CDK6: variants seen among roughly 807,000 people sequenced by gnomAD.
CDK6 encodes the protein cyclin dependent kinase 6, also known as cyclin-dependent kinase 6.
In CDK6, 6 loss-of-function variants were observed where a neutral mutation model predicts 37.1. That is an observed-to-expected ratio of 0.16 (90% confidence interval 0.09 to 0.32). The LOEUF is 0.32. CDK6 is among the 10% of genes least tolerant of loss of function. CDK6 has a pLI of 1.00. For synonymous variants in CDK6, 160 were observed against 161.3 expected (o/e 0.99, Z 0.06); for missense variants, 224 against 418.9 (o/e 0.53, Z 4.06).
chr7:92,700,263 G>A (rs1360657665), intron 4 of CDK6, among the ~76,000 whole-genome samples: 1 of 152,152 alleles, frequency 6.6e-6, no homozygotes. Flanking sequence ...TATGCAGGGC[G>A]TGTATGTCAG....
At chr7:92,665,248 A>G (rs1384685234) in intron 5 of CDK6, among the ~76,000 whole-genome samples, 4 of 151,560 alleles carry the variant, frequency 2.6e-5, no homozygotes, top group Non-Finnish European at 5.9e-5. Flanking sequence ...TTAAAAATCA[A>G]TCTATCACAA....
chr7:92,713,833 C>G (rs967458154), intron 4 of CDK6, among the ~76,000 whole-genome samples: 1 of 151,996 alleles, frequency 6.6e-6, no homozygotes, highest in Admixed American at 6.6e-5. Flanking sequence ...AAGTGACTAA[C>G]AAAATAAGTT....
chr7:92,757,622 C>T (rs942598579), intron 3 of CDK6, among the ~76,000 whole-genome samples: 1 of 152,144 alleles, frequency 6.6e-6, no homozygotes, highest in African/African-American at 2.4e-5. Context: ...CATTCACATG[C>T]ATGTGTCTTT....
Position 92,771,940 on chromosome 7 carries a change from C to T in CDK6, c.369+2756G>A, listed in dbSNP as rs200207257. On this transcript the variant is annotated intron_variant, in intron 3 of 7. Transcript: ENST00000424848. The stretch of plus-strand genomic sequence containing the variant: ...ATTTCAATTAACCAGAATTCAGATT[C>T]TCCTACTTAGCAGCTGTTTATTCTG... Among the ~76,000 whole-genome samples, 25 of 152,306 alleles carry T rather than the reference C, an allele frequency of 1.6e-4. No individual in the cohort carries two copies. In the East Asian group the frequency reaches 4.4e-3, roughly 27 times the overall value.
rs529005811 is a variant in CDK6 at position 92,643,986 on chromosome 7, G to A, written c.648-20900C>T. Among the ~76,000 whole-genome samples the A allele has an allele frequency of 1.1e-4, 16 of 152,258 alleles. No homozygotes were observed. The South Asian group carries it at 3.3e-3, about 32-fold the overall frequency. On this transcript the variant is annotated intron_variant, in intron 5 of 7. Coordinates refer to ENST00000424848, the MANE Select transcript of CDK6 (RefSeq NM_001145306.2). ...TGAAAGAAAAGAAATGGGCCCAGAG[G>A]GACCTAAGGAAACCAGGCCAAACTT...
chr7:92,632,886 C>G (rs1459446828), intron 5 of CDK6, among the ~76,000 whole-genome samples: 1 of 144,846 alleles, frequency 6.9e-6, no homozygotes, highest in Admixed American at 6.9e-5. Flanking sequence ...CACTTCCATT[C>G]TTTTCTCTTT....
chr7:92,737,196 T>C (rs1299243858), intron 3 of CDK6, among the ~76,000 whole-genome samples: 1 of 152,352 alleles, frequency 6.6e-6, no homozygotes, highest in Middle Eastern at 3.4e-3. Context: ...GATGAGGCTG[T>C]GATAATACTA....
chr7:92,768,784 C>T (rs1288910477), intron 3 of CDK6, among the ~76,000 whole-genome samples: 1 of 152,106 alleles, frequency 6.6e-6, no homozygotes, highest in Non-Finnish European at 1.5e-5. Flanking sequence ...GGCATTCAAG[C>T]CTGCCTTGTT....
intron 4 of CDK6, among the ~76,000 whole-genome samples, chr7:92,680,300 T>C (rs1025455791): frequency 6.7e-6 from 1 of 150,308 alleles, no homozygotes; most frequent in African/African-American, 2.4e-5. Flanking sequence ...GGCATGGTGG[T>C]GCATGCCTGT....
intron 2 of CDK6, among the ~76,000 whole-genome samples, chr7:92,827,916 T>A (rs1167808606): frequency 6.6e-6 from 1 of 152,220 alleles, no homozygotes; most frequent in Non-Finnish European, 1.5e-5. Flanking sequence ...TGCTTATGTG[T>A]CTGATGGTTA....
At position 92,614,376 on chromosome 7, in the gene CDK6, A is replaced by C. The variant is rs1427448560; in HGVS notation, c.*764T>G. On this transcript the variant is annotated 3_prime_UTR_variant, in exon 8 of 8. Transcript: ENST00000424848. ...GCATGATGTCATACAGAAGGTTAAAATAGACTTACAACAAGTAAATTCAGC... is the reference window on the plus strand; with the variant it reads ...GCATGATGTCATACAGAAGGTTAAACTAGACTTACAACAAGTAAATTCAGC... 1 of 233,008 alleles carries C rather than the reference A, an allele frequency of 4.3e-6. No individual in the cohort carries two copies. Among genetic ancestry groups the C allele is most frequent in the Non-Finnish European group, 8.5e-6 (1 of 117,992 alleles). 14.4% of individuals were successfully genotyped at this position (233,008 alleles called of 1,614,324 possible). A position where few individuals can be genotyped will look rare whatever the true frequency, so the allele number is the denominator to read the frequency against.
intron 3 of CDK6, among the ~76,000 whole-genome samples, chr7:92,740,968 T>C (rs1459065378): frequency 6.6e-6 from 1 of 152,178 alleles, no homozygotes; most frequent in East Asian, 1.9e-4. Context: ...TGCTACAACC[T>C]TGTAATTCAA....
At chr7:92,832,306 C>G (rs1236561440) in intron 2 of CDK6, among the ~76,000 whole-genome samples, 1 of 152,196 alleles carries the variant, frequency 6.6e-6, no homozygotes. Flanking sequence ...TCTCCCCACC[C>G]ACTCGCACAA....
intron 2 of CDK6, among the ~76,000 whole-genome samples, chr7:92,798,236 A>C (rs1800466441): frequency 6.6e-6 from 1 of 152,236 alleles, no homozygotes; most frequent in African/African-American, 2.4e-5. Context: ...ATTTTAGTGC[A>C]TAATACATTT....
At chr7:92,768,393 T>C (rs1799635008) in intron 3 of CDK6, among the ~76,000 whole-genome samples, 1 of 152,228 alleles carries the variant, frequency 6.6e-6, no homozygotes, top group Admixed American at 6.5e-5. Flanking sequence ...ATGAGGTCTT[T>C]TAAACCAGAA....
At chr7:92,727,911 A>G (rs1044733160) in intron 3 of CDK6, among the ~76,000 whole-genome samples, 2 of 152,222 alleles carry the variant, frequency 1.3e-5, no homozygotes, top group African/African-American at 4.8e-5. Context: ...AAACACATGC[A>G]CACAACTTGT....
At chr7:92,653,680 C>A (rs1289524422) in intron 5 of CDK6, among the ~76,000 whole-genome samples, 2 of 152,186 alleles carry the variant, frequency 1.3e-5, no homozygotes, top group Non-Finnish European at 2.9e-5. Context: ...ATTACAGGAT[C>A]TTTTAATTTG....
chr7:92,792,589 G>A (rs1800311904), intron 2 of CDK6, among the ~76,000 whole-genome samples: 1 of 151,962 alleles, frequency 6.6e-6, no homozygotes, highest in Non-Finnish European at 1.5e-5. Context: ...TCTAGGAGGT[G>A]GAATCCAGAA....
Position 92,608,771 on chromosome 7 carries a change from T to A in CDK6, c.*6369A>T, listed in dbSNP as rs2116463174. On this transcript the variant is annotated 3_prime_UTR_variant, in exon 8 of 8. Transcript: ENST00000424848. ...GAGACAGCAGCAGGGCACTCTGACC[T>A]CGGAAAGCAGCCCGCGGGGCCGCAC... The A allele has an allele frequency of 4.3e-6, 1 of 231,610 alleles. No individual in the cohort carries two copies. The highest frequency in any genetic ancestry group is 1.8e-4 in the South Asian group (1 of 5,518). 14.3% of individuals were successfully genotyped at this position (231,610 alleles called of 1,614,324 possible). A position where few individuals can be genotyped will look rare whatever the true frequency, so the allele number is the denominator to read the frequency against.
Sources: gnomAD v4.1 joint callset for allele counts (sites outside exome capture counted in the v4.1 genomes callset) on GRCh38, gnomAD v4.1.1 for gene constraint, MANE v1.5 for transcripts, NCBI Gene and HGNC (gene_info 2026-07-23, HGNC 2026-07-21) for gene names.